The following CRHBP variants were observed in gnomAD, a reference collection of about 807,000 sequenced individuals.
The protein encoded by CRHBP is corticotropin-releasing hormone-binding protein.
CRHBP carries 19 observed loss-of-function variants against 34.9 expected under a neutral mutation model. The ratio of observed to expected loss-of-function variants is 0.55; its 90% CI spans 0.38 to 0.80. CRHBP has a LOEUF of 0.80. CRHBP is among the 30% of genes least tolerant of loss of function. The pLI, the probability that CRHBP is intolerant of heterozygous loss-of-function variation, is 0.00. For synonymous variants in CRHBP, 154 were observed against 153.4 expected, an observed-to-expected ratio of 1.00 and a Z score of -0.03; for missense variants, 328 against 409.2, an observed-to-expected ratio of 0.80 and a Z score of 1.71.
Position 76,958,860 on chromosome 5 carries a change from C to G in CRHBP, c.664C>G (p.Leu222Val), listed in dbSNP as rs745712246. 1 of 1,614,010 alleles carries G rather than the reference C, an allele frequency of 6.2e-7. No individual in the cohort carries two copies. Among genetic ancestry groups the G allele is most frequent in the Admixed American group, 1.7e-5 (1 of 60,006 alleles). Residue 222 changes from leucine (L) to valine (V), a missense_variant, in exon 5 of 7, where the codon CTG (leucine) becomes GTG (valine). Physicochemically the swap from Leu to Val is conservative, Grantham distance 32. Coordinates refer to ENST00000274368, the MANE Select transcript of CRHBP (RefSeq NM_001882.4). ...GGTGATCAAAATATCTGATCTTACC[C>G]TGGGACACGTAAATGGTCTTCAGTT... is the stretch of plus-strand genomic sequence containing the variant. ...PVVIKISDLT[L>V]GHVNGLQLKK...
intron 1 of CRHBP, 26 bp from the exon 2 acceptor site, chr5:76,953,575 C>A: frequency 3.7e-6 from 6 of 1,604,990 alleles, no homozygotes; most frequent in Non-Finnish European, 5.1e-6. Context: ...TTGAACTTTT[C>A]CGGACTGACC....
downstream of CRHBP, among the ~76,000 whole-genome samples, chr5:76,972,425 G>A (rs193045019): frequency 4.7e-3 from 708 of 152,090 alleles, 9 homozygotes; most frequent in African/African-American, 0.016. Flanking sequence ...GCCTGAACCC[G>A]GGAGGCGGAG....
At chr5:76,955,566 TG>T in intron 3 of CRHBP, 86 bp from the exon 4 acceptor site, 1 of 1,205,510 alleles carries the variant, frequency 8.3e-7, no homozygotes, top group Non-Finnish European at 1.2e-6. Context: ...GGCCCATTGC[TG>T]GATGACTTTC....
In CRHBP at chr5:76,963,356, G is replaced by A; in HGVS notation, c.707G>A (p.Gly236Asp). 4.3e-6 allele frequency: 7 copies of A among 1,613,988 alleles called. No individual in the cohort carries two copies. The highest frequency in any genetic ancestry group is 5.9e-6 in the Non-Finnish European group (7 of 1,179,882). ...NGLQLKKSSA[G>D]CEGIGDFVEL... Reference sequence around the variant, plus strand: ...TTATTCCCTTAGAAATCCTCAGCAGGTTGCGAGGGAATAGGAGACTTTGTG... The same window carrying A: ...TTATTCCCTTAGAAATCCTCAGCAGATTGCGAGGGAATAGGAGACTTTGTG... Residue 236 changes from glycine (G) to aspartate (D), a missense_variant, in exon 6 of 7, where the codon GGT (glycine) becomes GAT (aspartate). This residue lies in a region of CRHBP where 144 missense variants were observed against 216.7 expected (regional missense o/e 0.66). Transcript: ENST00000274368.
intron 4 of CRHBP, among the ~76,000 whole-genome samples, chr5:76,956,267 A>G (rs920370455): frequency 6.6e-6 from 1 of 152,136 alleles, no homozygotes; most frequent in African/African-American, 2.4e-5. Context: ...CATGTCTTTC[A>G]GCCTGTGCCT....
rs186087517 is a variant in CRHBP, at chr5:76,963,637, T to C, written c.811+177T>C. Among the ~76,000 whole-genome samples the C allele has an allele frequency of 8.5e-4, 130 of 152,298 alleles. 1 individual carries two copies. The highest frequency in any genetic ancestry group is 1.8e-3 in the Admixed American group (28 of 15,304). Reference sequence around the variant, plus strand: ...TAACATCAGTATCTTTACCAAAATATCCGACACTGGGAGAGAAACCTTTGA... The same window carrying C: ...TAACATCAGTATCTTTACCAAAATACCCGACACTGGGAGAGAAACCTTTGA... On this transcript the variant is annotated intron_variant, in intron 6 of 6. Transcript: ENST00000274368.
chr5:76,967,949 G>A (rs566451451), intron 6 of CRHBP, among the ~76,000 whole-genome samples: 3 of 152,002 alleles, frequency 2.0e-5, no homozygotes, highest in South Asian at 2.1e-4. Flanking sequence ...CACCCACGTC[G>A]GCCTCCCAAA....
At chr5:76,967,702 ATT>A (rs753520164) in intron 6 of CRHBP, among the ~76,000 whole-genome samples, 2 of 145,030 alleles carry the variant, frequency 1.4e-5, no homozygotes, top group African/African-American at 2.5e-5. Context: ...ATAAGATTGG[ATT>A]TTTTTTTTTT....
rs1745729345 is a variant in CRHBP, at chr5:76,958,769, T to C, written c.573T>C (p.Asn191=). ...FPCNVISQTP[N]GKFTLVVPHQ... ...GCAATGTCATTTCTCAGACTCCAAA[T>C]GGAAAGTTTACCCTGGTAGTTCCAC... The change falls in exon 5 of 7, where the codon AAT becomes AAC. Residue 191 remains asparagine (N), a synonymous_variant. Coordinates refer to ENST00000274368, the MANE Select transcript of CRHBP (RefSeq NM_001882.4). 1 of 1,611,902 alleles carries C rather than the reference T, an allele frequency of 6.2e-7. No individual in the cohort carries two copies. The highest frequency in any genetic ancestry group is 1.3e-5 in the African/African-American group (1 of 74,950).
chr5:76,953,827 TA>T, intron 2 of CRHBP, 133 bp downstream of exon 2: 1 of 1,185,232 alleles, frequency 8.4e-7, no homozygotes, highest in Non-Finnish European at 1.2e-6. Context: ...TCCCCTTAGC[TA>T]AGGATCGGTC....
chr5:76,953,779 C>T lies in CRHBP; in HGVS notation c.175+85C>T, dbSNP rs897184819. ...CGGGGGGCAGAGGGCTCGCGGACAT[C>T]TCGGGGAAGGGGCTGGCCGGAACCG... On this transcript the variant is annotated intron_variant, in intron 2 of 6. Transcript: ENST00000274368. 5.3e-5 allele frequency: 75 copies of T among 1,405,922 alleles called. No homozygotes were observed. The Admixed American group carries it at 9.6e-4, about 18-fold the overall frequency. The allele number at this position is 1,405,922 out of a possible 1,614,324, so 87.1% of individuals were successfully genotyped here.
chr5:76,964,781 G>A (rs1387367952), intron 6 of CRHBP, among the ~76,000 whole-genome samples: 5 of 152,076 alleles, frequency 3.3e-5, no homozygotes, highest in South Asian at 2.1e-4. Flanking sequence ...GCTTGAACCC[G>A]GGCAGTGGTG....
intron 4 of CRHBP, among the ~76,000 whole-genome samples, chr5:76,958,018 ATGT>A (rs1366162316): frequency 2.0e-5 from 3 of 151,786 alleles, no homozygotes; most frequent in East Asian, 1.9e-4. Context: ...AATTAGCCAG[ATGT>A]TGTGGCACAT....
In CRHBP at chr5:76,963,445, C is replaced by A; in HGVS notation, c.796C>A (p.Pro266Thr). ...KMTPLADLCY[P>T]FHGPAQMKVG... ...GACGCCTTTAGCTGATCTCTGCTAC[C>A]CCTTTCATGGCCCGGGTGAGGTATT... Residue 266 changes from proline to threonine, a missense_variant, in exon 6 of 7, where the codon CCC becomes ACC. Around this residue, in one of 3 missense-constraint regions of CRHBP, gnomAD observed 144 missense variants for 216.7 expected, o/e 0.66. Transcript: ENST00000274368. 1 of 1,613,468 alleles carries A rather than the reference C, an allele frequency of 6.2e-7. No homozygotes were observed. Among genetic ancestry groups the A allele is most frequent in the South Asian group, 1.1e-5 (1 of 91,044 alleles).
chr5:76,972,449 G>A (rs1477053696), downstream of CRHBP, among the ~76,000 whole-genome samples: 1 of 151,904 alleles, frequency 6.6e-6, no homozygotes, highest in East Asian at 1.9e-4. Context: ...GCAGTGAGCC[G>A]AGATCATGCC....
intron 1 of CRHBP, 96 bp from the exon 2 acceptor site, chr5:76,953,505 C>T: frequency 1.7e-6 from 2 of 1,206,288 alleles, no homozygotes; most frequent in East Asian, 2.5e-5. Flanking sequence ...TCTCTTTATT[C>T]GCTATGCTGA....
chr5:76,973,877 C>T (rs1745982263), downstream of CRHBP, among the ~76,000 whole-genome samples: 1 of 152,062 alleles, frequency 6.6e-6, no homozygotes. Flanking sequence ...GATCTCAGCT[C>T]ACTGCAATCT....
chr5:76,977,519 T>C (rs1222413742), intron 3 of CRHBP, among the ~76,000 whole-genome samples: 1 of 152,226 alleles, frequency 6.6e-6, no homozygotes, highest in African/African-American at 2.4e-5. Flanking sequence ...TTGTAATTGT[T>C]GTTACTATTG....
intron 3 of CRHBP, among the ~76,000 whole-genome samples, chr5:76,980,107 T>A (rs1319097963): frequency 2.7e-5 from 4 of 150,838 alleles, no homozygotes; most frequent in African/African-American, 9.8e-5. Flanking sequence ...AAAAAAAAAT[T>A]AGCCGGGCGT....
Sources: gnomAD v4.1 joint callset for allele counts (sites outside exome capture counted in the v4.1 genomes callset) on GRCh38, gnomAD v4.1.1 for gene constraint, gnomAD v4.1.1 regional missense constraint, MANE v1.5 for transcripts, NCBI Gene and HGNC (gene_info 2026-07-23, HGNC 2026-07-21) for gene names.